Variants in SUSD2 observed in about 807,000 individuals in gnomAD.
SUSD2 encodes sushi domain-containing protein 2.
Under a neutral mutation model 93.8 loss-of-function variants are expected in SUSD2, and 86 were observed. The observed-to-expected ratio is 0.92, with a 90% CI of 0.77 to 1.10. SUSD2 has a LOEUF of 1.10. Ranked by LOEUF, SUSD2 falls within the 50% of genes least tolerant of loss-of-function variation. The pLI is 0.00. For synonymous variants in SUSD2, 483 were observed against 485.0 expected (o/e 1.00, Z 0.05); for missense variants, 1,060 against 1,137.0 (o/e 0.93, Z 0.97).
At position 24,185,371 on chromosome 22, in the gene SUSD2, G is replaced by A. The variant is rs556850135; in HGVS notation, c.984+76G>A. 121 of 1,551,474 alleles carry A rather than the reference G, an allele frequency of 7.8e-5. No homozygotes were observed. In the East Asian group the frequency reaches 2.8e-3, roughly 36 times the overall value. On this transcript the variant is annotated intron_variant, in intron 6 of 14. Coordinates refer to ENST00000358321, the MANE Select transcript of SUSD2 (RefSeq NM_019601.4). ...ACTGAGGACAGCACCAGGGGAGGCA[G>A]ACAGAGGTGTCCTGGAGGGTGGGGC...
chr22:24,185,080 C>T lies in SUSD2; in HGVS notation c.783-14C>T. On this transcript the variant is annotated splice_polypyrimidine_tract_variant and intron_variant, in intron 5 of 14. Coordinates refer to ENST00000358321, the MANE Select transcript of SUSD2 (RefSeq NM_019601.4). ...GTGTGGGCTGGCCCAGCTCCAGCATCATCACCTCCACAGGGACGTGCAGGC... is the reference window on the plus strand; with the variant it reads ...GTGTGGGCTGGCCCAGCTCCAGCATTATCACCTCCACAGGGACGTGCAGGC... The T allele has an allele frequency of 6.2e-7, 1 of 1,612,856 alleles. No individual in the cohort carries two copies. Among genetic ancestry groups the T allele is most frequent in the Non-Finnish European group, 8.5e-7 (1 of 1,179,692 alleles).
At chr22:24,182,977 G>A (rs1188482000) in intron 1 of SUSD2, 80 bp from the exon 2 acceptor site, 4 of 1,240,840 alleles carry the variant, frequency 3.2e-6, no homozygotes, top group African/African-American at 3.0e-5. Flanking sequence ...TGGGCTGTGG[G>A]AGAAACAGAG....
At chr22:24,181,694 T>C in intron 1 of SUSD2, 99 bp downstream of exon 1, 1 of 958,974 alleles carries the variant, frequency 1.0e-6, no homozygotes, top group Non-Finnish European at 1.5e-6. Context: ...TGTCCATCTG[T>C]CAGGCCATCT....
chr22:24,185,250 C>T lies in SUSD2; in HGVS notation c.939C>T (p.Cys313=). 1.9e-6 allele frequency: 3 copies of T among 1,607,116 alleles called. No homozygotes were observed. Among genetic ancestry groups the T allele is most frequent in the Non-Finnish European group, 8.5e-7 (1 of 1,179,922 alleles). Reference sequence around the variant, plus strand: ...ACTTCCTGGAGGAGCTGCCGGACTGCCCCTGCACCCTGACCCAGGCCCGGG... The same window carrying T: ...ACTTCCTGGAGGAGCTGCCGGACTGTCCCTGCACCCTGACCCAGGCCCGGG... The part of the protein sequence containing the change: ...LPNFLEELPD[C]PCTLTQARAD... The change falls in exon 6 of 15, where the codon TGC becomes TGT. Residue 313 remains cysteine, a synonymous_variant. Transcript: ENST00000358321.
rs188814631 is a variant in SUSD2, at chr22:24,182,817, G to T, written c.77-240G>T. 3 of 529,508 alleles carry T rather than the reference G, an allele frequency of 5.7e-6. No individual in the cohort carries two copies. In the East Asian group the frequency reaches 9.5e-5, roughly 17 times the overall value. The allele number at this position is 529,508 out of a possible 1,614,324, so 32.8% of individuals were successfully genotyped here. ...CGGATGCAGCTTTTTGCCTCTTCTC[G>T]CTGCATTCTAGCCCGTCAGTCAGGG... On this transcript the variant is annotated intron_variant, in intron 1 of 14. Transcript: ENST00000358321.
Position 24,183,658 on chromosome 22 carries a change from T to C in SUSD2, c.439+12T>C. ...CACCTGGCTGGCTGGTGAGCCCTCC[T>C]CCCTGCCCACAGCCTGCCCCCACGG... On this transcript the variant is annotated intron_variant, in intron 3 of 14. Coordinates refer to ENST00000358321, the MANE Select transcript of SUSD2 (RefSeq NM_019601.4). 1 of 1,608,128 alleles carries C rather than the reference T, an allele frequency of 6.2e-7. No homozygotes were observed. The highest frequency in any genetic ancestry group is 8.5e-7 in the Non-Finnish European group (1 of 1,179,358).
chr22:24,188,471 C>A lies in SUSD2; in HGVS notation c.*35C>A. ...CTTGGCTGTGAGCACCAGGCCAAGA[C>A]TCCTGAGAACAGGCAGCCCAGTCCT... On this transcript the variant is annotated 3_prime_UTR_variant, in exon 15 of 15. Coordinates refer to ENST00000358321, the MANE Select transcript of SUSD2 (RefSeq NM_019601.4). This position sits in a 1 kb window ranked among gnomAD's most constrained non-coding sequence, Gnocchi z 4.7. 6.2e-7 allele frequency: 1 copy of A among 1,602,212 alleles called. No individual in the cohort carries two copies.
In SUSD2 at chr22:24,185,778, G is replaced by A. The variant is rs148066002; in HGVS notation, c.1188G>A (p.Pro396=). Residue 396 remains proline, a synonymous_variant, in exon 8 of 15, where the codon CCG becomes CCA. Coordinates refer to ENST00000358321, the MANE Select transcript of SUSD2 (RefSeq NM_019601.4). ...GCGGCCATGACTGGGGCGCACCCCCGTTCCGCACGCCACCCCGAGTGCCCA... is the reference window on the plus strand; with the variant it reads ...GCGGCCATGACTGGGGCGCACCCCCATTCCGCACGCCACCCCGAGTGCCCA... The part of the protein sequence containing the change: ...PDRGHDWGAP[P]FRTPPRVPSM... The A allele has an allele frequency of 4.3e-5, 70 of 1,609,950 alleles. No homozygotes were observed. The highest frequency in any genetic ancestry group is 1.6e-4 in the Middle Eastern group (1 of 6,076).
Position 24,183,331 on chromosome 22 carries a change from C to T in SUSD2, c.287+64C>T, listed in dbSNP as rs1237728824. On this transcript the variant is annotated intron_variant, in intron 2 of 14. Coordinates refer to ENST00000358321, the MANE Select transcript of SUSD2 (RefSeq NM_019601.4). ...CCCCCATCCCTGTGCATGCTGAGGG[C>T]TCAGACCCACTGACTGGCTGAGTGG... is the stretch of plus-strand genomic sequence containing the variant. 35 of 1,552,748 alleles carry T rather than the reference C, an allele frequency of 2.3e-5. No homozygotes were observed. The African/African-American group carries it at 2.6e-4, about 11-fold the overall frequency.
At chr22:24,181,929 G>A (rs946785353) in intron 1 of SUSD2, among the ~76,000 whole-genome samples, 3 of 152,186 alleles carry the variant, frequency 2.0e-5, no homozygotes, top group Non-Finnish European at 4.4e-5. Context: ...GCTGAATCCA[G>A]GAAAGTCTAG....
chr22:24,187,873 G>T, intron 12 of SUSD2, 30 bp downstream of exon 12: 2 of 1,602,848 alleles, frequency 1.2e-6, no homozygotes, highest in South Asian at 1.1e-5. Flanking sequence ...GGTGGGCGGG[G>T]AGCTGGGACA....
intron 4 of SUSD2, 136 bp downstream of exon 4, chr22:24,184,439 T>C: frequency 9.2e-6 from 9 of 983,228 alleles, no homozygotes; most frequent in East Asian, 2.6e-5. Flanking sequence ...CAGGCAGAGA[T>C]TGAGGATTCG....
intron 10 of SUSD2, chr22:24,186,643 G>A (rs898246035): frequency 1.2e-5 from 7 of 583,692 alleles, no homozygotes; most frequent in South Asian, 4.1e-5. Flanking sequence ...GGAGGATCCC[G>A]GGAGCCTTCT....
chr22:24,183,448 C>T, intron 2 of SUSD2, 47 bp from the exon 3 acceptor site: 1 of 1,587,530 alleles, frequency 6.3e-7, no homozygotes, highest in Non-Finnish European at 8.6e-7. Context: ...CATCGAGAGG[C>T]TCAGCCTGCA....
chr22:24,187,747 A>G lies in SUSD2; in HGVS notation c.2068A>G (p.Asn690Asp), dbSNP rs762422172. Residue 690 changes from asparagine (N) to aspartate (D), a missense_variant, in exon 12 of 15, where the codon AAC becomes GAC. Around this residue, in one of 2 missense-constraint regions of SUSD2, gnomAD observed 973 missense variants for 1,005.3 expected, o/e 0.97. Coordinates refer to ENST00000358321, the MANE Select transcript of SUSD2 (RefSeq NM_019601.4). ...AKLCGDDHFCNFDVAATGSLS... is the reference protein window; with the variant it reads ...AKLCGDDHFCDFDVAATGSLS... Reference sequence around the variant, plus strand: ...ACTATGTGGGGACGATCATTTCTGCAACTTTGATGTGGCAGCCACTGGGAG... The same window carrying G: ...ACTATGTGGGGACGATCATTTCTGCGACTTTGATGTGGCAGCCACTGGGAG... 3.7e-6 allele frequency: 6 copies of G among 1,613,960 alleles called. No individual in the cohort carries two copies. Among genetic ancestry groups the G allele is most frequent in the Non-Finnish European group, 4.2e-6 (5 of 1,180,026 alleles).
At chr22:24,183,304 C>G (rs781324613) in intron 2 of SUSD2, 37 bp downstream of exon 2, 4 of 1,574,080 alleles carry the variant, frequency 2.5e-6, no homozygotes, top group Non-Finnish European at 3.5e-6. Context: ...TGGGGCCCCA[C>G]GCCCCCATCC....
rs182169280 is a variant in SUSD2 at position 24,184,300 on chromosome 22, A to G, written c.604A>G (p.Thr202Ala). ...CATCGAACTGTGGGGCTACGAGGAG[A>G]CAGGTGAGGCCAGCTGAGGGCTGGG... ...ITIELWGYEE[T>A]GMPYSQEWTA... The change falls in exon 4 of 15, where the codon ACA becomes GCA. Residue 202 changes from threonine (T) to alanine (A), a missense_variant. Coordinates refer to ENST00000358321, the MANE Select transcript of SUSD2 (RefSeq NM_019601.4). The G allele has an allele frequency of 3.2e-5, 51 of 1,613,086 alleles. No individual in the cohort carries two copies. The Admixed American group carries it at 6.3e-4, about 20-fold the overall frequency.
In SUSD2 at chr22:24,185,285, G is replaced by A. The variant is rs371282792; in HGVS notation, c.974G>A (p.Gly325Asp). The A allele has an allele frequency of 9.4e-6, 15 of 1,603,678 alleles. No homozygotes were observed. Among genetic ancestry groups the A allele is most frequent in the Non-Finnish European group, 1.3e-5 (15 of 1,179,646 alleles). Reference protein sequence around the residue: ...CTLTQARADSGRFFTDYGCDM... With the variant: ...CTLTQARADSDRFFTDYGCDM... ...CTGACCCAGGCCCGGGCTGACTCCGGCCGCTTCTTCGTGAGCCTCCCATCA... is the reference window on the plus strand; with the variant it reads ...CTGACCCAGGCCCGGGCTGACTCCGACCGCTTCTTCGTGAGCCTCCCATCA... Residue 325 changes from glycine (G) to aspartate (D), a missense_variant, in exon 6 of 15, where the codon GGC (glycine) becomes GAC (aspartate). Physicochemically the swap from Gly to Asp is moderately conservative, Grantham distance 94. Transcript: ENST00000358321.
rs2047361673 is a variant in SUSD2, at chr22:24,185,879, T to C, written c.1289T>C (p.Met430Thr). 8 of 1,589,216 alleles carry C rather than the reference T, an allele frequency of 5.0e-6. No homozygotes were observed. Among genetic ancestry groups the C allele is most frequent in the Middle Eastern group, 1.7e-4 (1 of 6,022 alleles). The change falls in exon 8 of 15, where the codon ATG becomes ACG. Residue 430 changes from methionine to threonine, a missense_variant. By Grantham distance (81) the Met-to-Thr change is moderately conservative. Around this residue, in one of 2 missense-constraint regions of SUSD2, gnomAD observed 973 missense variants for 1,005.3 expected, o/e 0.97. Coordinates refer to ENST00000358321, the MANE Select transcript of SUSD2 (RefSeq NM_019601.4). ...CLWAPDCPRYMQRRPSNDCRN... is the reference protein window; with the variant it reads ...CLWAPDCPRYTQRRPSNDCRN... ...TGGGCACCCGACTGCCCCCGCTACATGCAACGGCGGCCCTCCAATGACTGC... is the reference window on the plus strand; with the variant it reads ...TGGGCACCCGACTGCCCCCGCTACACGCAACGGCGGCCCTCCAATGACTGC...
Sources: allele counts gnomAD v4.1 joint callset (sites outside exome capture counted in the v4.1 genomes callset), GRCh38; gene constraint gnomAD v4.1.1; regional missense constraint gnomAD v4.1.1; non-coding constraint Gnocchi (gnomAD v3.1); transcripts MANE v1.5; gene names NCBI Gene and HGNC (gene_info 2026-07-23, HGNC 2026-07-21).